Variants in MAD1L1 observed in about 807,000 individuals in gnomAD.
The protein encoded by MAD1L1 is mitotic spindle assembly checkpoint protein MAD1.
In MAD1L1, 95 loss-of-function variants were observed where a neutral mutation model predicts 96.9. The ratio of observed to expected loss-of-function variants is 0.98; its 90% confidence interval spans 0.83 to 1.16. The LOEUF is 1.16. MAD1L1 is among the 50% of genes most tolerant of loss of function. MAD1L1 has a pLI of 0.00. For missense variants in MAD1L1, 1,007 were observed against 954.4 expected (o/e 1.06, Z -0.73); for synonymous variants, 473 against 396.6 (o/e 1.19, Z -2.29).
intron 10 of MAD1L1, among the ~76,000 whole-genome samples, chr7:2,173,266 T>C (rs1486640128): frequency 6.6e-6 from 1 of 152,144 alleles, no homozygotes; most frequent in Non-Finnish European, 1.5e-5. Context: ...CTTCTCAGGA[T>C]GGAAGAGGAG....
At chr7:2,123,363 G>A (rs1788072403) in intron 11 of MAD1L1, among the ~76,000 whole-genome samples, 1 of 151,700 alleles carries the variant, frequency 6.6e-6, no homozygotes, top group South Asian at 2.1e-4. Flanking sequence ...AGATGAAACT[G>A]CACGCTACAG....
chr7:2,200,045 C>A (rs900908156), intron 10 of MAD1L1, among the ~76,000 whole-genome samples: 2 of 152,218 alleles, frequency 1.3e-5, no homozygotes, highest in Non-Finnish European at 1.5e-5. Flanking sequence ...CTCCATGAAG[C>A]CAAGGGTCTC....
chr7:1,898,441 T>C (rs1583698718), intron 17 of MAD1L1, 51 bp from the exon 18 acceptor site: 2 of 1,561,366 alleles, frequency 1.3e-6, no homozygotes, highest in African/African-American at 2.7e-5. Context: ...GCCGGAGGGG[T>C]GGGGACCCGG....
At chr7:2,231,575 C>G (rs956599852) in intron 1 of MAD1L1, among the ~76,000 whole-genome samples, 1 of 151,924 alleles carries the variant, frequency 6.6e-6, no homozygotes, top group African/African-American at 2.4e-5. Context: ...CCACTGCATT[C>G]CAGCCTGGGT....
At chr7:1,860,447 G>A (rs1784489246) in intron 18 of MAD1L1, among the ~76,000 whole-genome samples, 1 of 148,174 alleles carries the variant, frequency 6.7e-6, no homozygotes, top group Admixed American at 6.7e-5. Flanking sequence ...CTCCCTAGAG[G>A]TGACATCCTG....
chr7:2,004,783 A>G (rs1270848426), intron 13 of MAD1L1, among the ~76,000 whole-genome samples: 2 of 152,226 alleles, frequency 1.3e-5, no homozygotes, highest in Non-Finnish European at 2.9e-5. Context: ...CAAGCGGCTC[A>G]TCAGCCTGAG....
intron 15 of MAD1L1, among the ~76,000 whole-genome samples, chr7:1,966,919 C>CACCT (rs1367312676): frequency 6.6e-6 from 1 of 152,248 alleles, no homozygotes; most frequent in Non-Finnish European, 1.5e-5. Flanking sequence ...GAATCGTAGC[C>CACCT]ACCTGCTCTC....
At chr7:1,911,311 C>T (rs1478880486) in intron 17 of MAD1L1, among the ~76,000 whole-genome samples, 1 of 152,166 alleles carries the variant, frequency 6.6e-6, no homozygotes, top group Non-Finnish European at 1.5e-5. Context: ...TCACCCTCCT[C>T]TCCCTCCTCC....
chr7:1,971,776 G>T (rs1248407422), intron 15 of MAD1L1, among the ~76,000 whole-genome samples: 6 of 152,144 alleles, frequency 3.9e-5, no homozygotes, highest in African/African-American at 1.4e-4. Context: ...AACGACCCCA[G>T]AAAAGCTGAA....
intron 18 of MAD1L1, among the ~76,000 whole-genome samples, chr7:1,884,864 GC>G (rs1354641496): frequency 3.3e-5 from 5 of 152,248 alleles, no homozygotes; most frequent in Non-Finnish European, 5.9e-5. Context: ...AGGCCGTGGG[GC>G]AAGGGGGCAG....
At chr7:1,927,409 T>C (rs563088377) in intron 17 of MAD1L1, among the ~76,000 whole-genome samples, 10 of 152,272 alleles carry the variant, frequency 6.6e-5, no homozygotes, top group South Asian at 6.2e-4. Context: ...AAGTGGGGGA[T>C]TGTGCTGCTG....
At chr7:2,155,110 G>A (rs1420195768) in intron 10 of MAD1L1, among the ~76,000 whole-genome samples, 4 of 152,118 alleles carry the variant, frequency 2.6e-5, no homozygotes, top group Non-Finnish European at 5.9e-5. Flanking sequence ...TCTGTGGCCT[G>A]GCAAGAAGGC....
chr7:1,989,498 GGCGGCGGGA>G (rs1781307560), intron 14 of MAD1L1, among the ~76,000 whole-genome samples: 2 of 152,250 alleles, frequency 1.3e-5, no homozygotes, highest in African/African-American at 4.8e-5. Context: ...GGGAGCCCTC[GGCGGCGGGA>G]GCCGCCTCAC....
intron 12 of MAD1L1, among the ~76,000 whole-genome samples, chr7:2,060,524 T>C (rs1210197550): frequency 6.6e-6 from 1 of 151,836 alleles, no homozygotes; most frequent in African/African-American, 2.4e-5. Context: ...AATGTCGAGA[T>C]ACGCTAATGC....
At chr7:2,166,516 T>C (rs1790435323) in intron 10 of MAD1L1, among the ~76,000 whole-genome samples, 1 of 152,220 alleles carries the variant, frequency 6.6e-6, no homozygotes, top group South Asian at 2.1e-4. Flanking sequence ...ACAAATGCCA[T>C]AATTTTCTCT....
intron 18 of MAD1L1, among the ~76,000 whole-genome samples, chr7:1,868,027 C>T (rs987012391): frequency 4.6e-5 from 7 of 152,158 alleles, no homozygotes; most frequent in Admixed American, 2.0e-4. Context: ...CCCCACATGG[C>T]GCTGAGCAGA....
chr7:1,972,483 C>T (rs544526100), intron 15 of MAD1L1, among the ~76,000 whole-genome samples: 10 of 152,264 alleles, frequency 6.6e-5, no homozygotes, highest in African/African-American at 2.4e-4. Flanking sequence ...TGGCATAACA[C>T]CCTCTGCTTA....
At chr7:2,012,666 G>C (rs919902242) in intron 13 of MAD1L1, among the ~76,000 whole-genome samples, 1 of 152,168 alleles carries the variant, frequency 6.6e-6, no homozygotes, top group Non-Finnish European at 1.5e-5. Context: ...CCTGAGGGTG[G>C]TCTCACACCC....
intron 16 of MAD1L1, among the ~76,000 whole-genome samples, chr7:1,951,938 T>C (rs987694492): frequency 2.0e-5 from 3 of 152,114 alleles, no homozygotes; most frequent in African/African-American, 7.2e-5. Flanking sequence ...TTTTGGTTCT[T>C]CTGGGCATGT....
Sources: allele counts gnomAD v4.1 joint callset (sites outside exome capture counted in the v4.1 genomes callset), GRCh38; gene constraint gnomAD v4.1.1; transcripts MANE v1.5; gene names NCBI Gene and HGNC (gene_info 2026-07-23, HGNC 2026-07-21).